The following LINGO2 variants were observed in gnomAD, a reference collection of about 807,000 sequenced individuals.
LINGO2 encodes the protein leucine-rich repeat and immunoglobulin-like domain-containing nogo receptor-interacting protein 2.
Under a neutral mutation model 30.6 loss-of-function variants are expected in LINGO2, and 14 were observed. The ratio of observed to expected loss-of-function variants is 0.46; its 90% confidence interval spans 0.30 to 0.72. The LOEUF is 0.72. LINGO2 is among the 30% of genes least tolerant of loss of function. The probability of loss-of-function intolerance (pLI) is 0.07; values close to 1 mark genes in which losing one functional copy is unlikely to be tolerated. For synonymous variants in LINGO2, 317 were observed against 288.5 expected, an observed-to-expected ratio of 1.10 and a Z score of -1.00; for missense variants, 729 against 751.7, an observed-to-expected ratio of 0.97 and a Z score of 0.35.
chr9:28,438,502 C>A (rs10968600), intron 2 of LINGO2, among the ~76,000 whole-genome samples: 1 of 152,046 alleles, frequency 6.6e-6, no homozygotes, highest in East Asian at 1.9e-4. Context: ...TGTCTTCAGC[C>A]TCAGACTGAA....
At position 27,949,474 on chromosome 9, in the gene LINGO2, C is replaced by A. The variant is rs749477204; in HGVS notation, c.1198G>T (p.Ala400Ser). 7.4e-6 allele frequency: 12 copies of A among 1,613,930 alleles called. No individual in the cohort carries two copies. The East Asian group carries it at 2.7e-4, about 36-fold the overall frequency. ...TTGCAGGTAAAGTAAAAAGAAAGGG[C>A]AGTGCTATGGAAATCCTTGAAAGAC... The change falls in exon 6 of 6, where the codon GCC becomes TCC. Residue 400 changes from alanine to serine, a missense_variant. Physicochemically the swap from Ala to Ser is moderately conservative, Grantham distance 99. Coordinates refer to ENST00000379992, the Ensembl canonical transcript of LINGO2.
the LINGO2 span, among the ~76,000 whole-genome samples, chr9:28,948,947 G>A: frequency 1.3e-3 from 199 of 151,700 alleles, 1 homozygote; most frequent in African/African-American, 4.6e-3. Flanking sequence ...AAAAGAGTCC[G>A]CTGGGCCCAT....
At chr9:28,627,344 T>A (rs1360419126) in intron 1 of LINGO2, among the ~76,000 whole-genome samples, 1 of 152,090 alleles carries the variant, frequency 6.6e-6, no homozygotes, top group Non-Finnish European at 1.5e-5. Context: ...TTGTATAGAA[T>A]TCTCCATAGT....
chr9:28,938,958 C>G, the LINGO2 span, among the ~76,000 whole-genome samples: 1 of 152,166 alleles, frequency 6.6e-6, no homozygotes, highest in Non-Finnish European at 1.5e-5. Context: ...TGTTCAATAG[C>G]AGGATAACAT....
chr9:28,141,567 G>T (rs1827673013), intron 4 of LINGO2, among the ~76,000 whole-genome samples: 1 of 152,142 alleles, frequency 6.6e-6, no homozygotes, highest in Non-Finnish European at 1.5e-5. Context: ...GTTACACTTT[G>T]GAAAACATTA....
the LINGO2 span, among the ~76,000 whole-genome samples, chr9:29,088,906 T>C: frequency 6.6e-6 from 1 of 152,180 alleles, no homozygotes; most frequent in South Asian, 2.1e-4. Context: ...ACTTAACTGA[T>C]TTAAATCCTG....
chr9:28,300,449 A>C (rs1382346775), intron 3 of LINGO2, among the ~76,000 whole-genome samples: 1 of 152,134 alleles, frequency 6.6e-6, no homozygotes, highest in Non-Finnish European at 1.5e-5. Flanking sequence ...AAAGATGCCT[A>C]ATTCTGAATT....
At chr9:28,316,230 G>A (rs116665414) in intron 3 of LINGO2, among the ~76,000 whole-genome samples, 7,373 of 151,814 alleles carry the variant, frequency 0.049, 235 homozygotes, top group South Asian at 0.11. Context: ...TTTGAAAACA[G>A]TACCAAAACT....
the LINGO2 span, among the ~76,000 whole-genome samples, chr9:29,169,635 T>C: frequency 1.3e-5 from 2 of 152,198 alleles, no homozygotes; most frequent in Non-Finnish European, 2.9e-5. Flanking sequence ...AATCAACAGA[T>C]GTTGGCAAGG....
At chr9:28,152,590 T>A (rs1439716487) in intron 4 of LINGO2, among the ~76,000 whole-genome samples, 1 of 152,048 alleles carries the variant, frequency 6.6e-6, no homozygotes, top group Admixed American at 6.6e-5. Flanking sequence ...TATACAAGAA[T>A]GCAACATGTA....
the LINGO2 span, among the ~76,000 whole-genome samples, chr9:28,791,970 C>T: frequency 2.6e-5 from 4 of 151,196 alleles, no homozygotes; most frequent in East Asian, 7.8e-4. Flanking sequence ...ATTATGTTCT[C>T]ATCTCTAAAA....
At chr9:28,248,842 G>C (rs143279409) in intron 4 of LINGO2, among the ~76,000 whole-genome samples, 1 of 152,132 alleles carries the variant, frequency 6.6e-6, no homozygotes, top group Admixed American at 6.6e-5. Flanking sequence ...CTAGTGTTGA[G>C]AAACAGTAAT....
intron 5 of LINGO2, among the ~76,000 whole-genome samples, chr9:27,956,923 T>C (rs938769583): frequency 4.1e-4 from 63 of 151,998 alleles, no homozygotes; most frequent in Non-Finnish European, 9.0e-4. Flanking sequence ...CAAGATCTCA[T>C]ATCTACAAAA....
chr9:29,158,268 A>T, the LINGO2 span, among the ~76,000 whole-genome samples: 1 of 151,922 alleles, frequency 6.6e-6, no homozygotes, highest in Non-Finnish European at 1.5e-5. Context: ...GGATGAGAGG[A>T]CTGCATGAGC....
At chr9:28,766,282 A>C in the LINGO2 span, among the ~76,000 whole-genome samples, 1 of 152,016 alleles carries the variant, frequency 6.6e-6, no homozygotes, top group Non-Finnish European at 1.5e-5. Context: ...AAAAAAGGGC[A>C]AAGGATCTGA....
intron 5 of LINGO2, among the ~76,000 whole-genome samples, chr9:27,986,744 T>C (rs1821143800): frequency 6.6e-6 from 1 of 151,790 alleles, no homozygotes; most frequent in African/African-American, 2.4e-5. Context: ...CCTAAAGATG[T>C]AGAGGTATAC....
chr9:28,095,352 A>C (rs555082336), intron 4 of LINGO2, among the ~76,000 whole-genome samples: 1 of 152,188 alleles, frequency 6.6e-6, no homozygotes, highest in East Asian at 1.9e-4. Flanking sequence ...CAGGTGGTGA[A>C]TGTCATAATA....
At chr9:28,849,753 C>T in the LINGO2 span, among the ~76,000 whole-genome samples, 5 of 152,046 alleles carry the variant, frequency 3.3e-5, no homozygotes, top group Non-Finnish European at 1.5e-5. Flanking sequence ...TTTAACTACC[C>T]TCTTCCTACC....
intron 4 of LINGO2, among the ~76,000 whole-genome samples, chr9:28,106,659 C>T (rs1032768881): frequency 1.3e-5 from 2 of 152,160 alleles, no homozygotes; most frequent in African/African-American, 2.4e-5. Context: ...CCACCACCCA[C>T]CATTTTCTTG....
Sources: gnomAD v4.1 joint callset for allele counts (sites outside exome capture counted in the v4.1 genomes callset) on GRCh38, gnomAD v4.1.1 for gene constraint, MANE v1.5 for transcripts, NCBI Gene and HGNC (gene_info 2026-07-23, HGNC 2026-07-21) for gene names.